The following SLC4A5 variants were observed in gnomAD, a reference collection of about 807,000 sequenced individuals.
SLC4A5 encodes solute carrier family 4 member 5.
A neutral mutation model predicts 120.4 loss-of-function variants in SLC4A5; 96 were observed. The observed-to-expected ratio is 0.80, with a 90% confidence interval of 0.68 to 0.94. The LOEUF (loss-of-function observed/expected upper bound fraction) is 0.94. Ranked by LOEUF, SLC4A5 falls within the 40% of genes least tolerant of loss-of-function variation. The pLI is 0.00. For missense variants in SLC4A5, 1,259 were observed against 1,459.5 expected (o/e 0.86, Z 2.24); for synonymous variants, 550 against 571.1 (o/e 0.96, Z 0.53).
chr2:74,259,242 T>A (rs1000857096), intron 12 of SLC4A5, among the ~76,000 whole-genome samples: 3 of 152,156 alleles, frequency 2.0e-5, no homozygotes, highest in Non-Finnish European at 4.4e-5. Flanking sequence ...CCCTATCCCA[T>A]CTTTAAAGGT....
chr2:74,340,513 G>C (rs1380841668), intron 2 of SLC4A5, among the ~76,000 whole-genome samples: 1 of 152,138 alleles, frequency 6.6e-6, no homozygotes, highest in East Asian at 1.9e-4. Context: ...AGAGATGATG[G>C]GTGGGGGCAG....
chr2:74,286,967 C>T (rs1038985781), intron 7 of SLC4A5, among the ~76,000 whole-genome samples: 2 of 152,140 alleles, frequency 1.3e-5, no homozygotes, highest in Non-Finnish European at 2.9e-5. Flanking sequence ...TCCCTGCCCA[C>T]CCCACTGCAC....
At chr2:74,230,008 G>A (rs1218877347) in intron 25 of SLC4A5, among the ~76,000 whole-genome samples, 4 of 151,080 alleles carry the variant, frequency 2.6e-5, no homozygotes, top group Admixed American at 2.0e-4. Context: ...ATGTACCATC[G>A]TGCCTGGCTA....
At position 74,249,541 on chromosome 2, in the gene SLC4A5, T is replaced by C. The variant is rs559089716; in HGVS notation, c.1653+802A>G. Reference sequence around the variant, plus strand: ...TGGGAGATGAGGCGTGAGAGCCAGGTAGGGCCATGTGGTGAGGGCCACATG... The same window carrying C: ...TGGGAGATGAGGCGTGAGAGCCAGGCAGGGCCATGTGGTGAGGGCCACATG... On this transcript the variant is annotated intron_variant, in intron 17 of 30. Transcript: ENST00000394019. 8.5e-5 allele frequency among the ~76,000 whole-genome samples: 13 copies of C among 152,206 alleles called. No homozygotes were observed. In the East Asian group the frequency reaches 2.5e-3, roughly 29 times the overall value.
intron 6 of SLC4A5, chr2:74,307,772 C>T (rs1050958825): frequency 8.5e-6 from 5 of 590,104 alleles, no homozygotes; most frequent in Admixed American, 4.0e-5. Flanking sequence ...ATCTCTTTCT[C>T]GTTCTGGATG....
intron 25 of SLC4A5, among the ~76,000 whole-genome samples, chr2:74,228,572 G>A (rs1694929515): frequency 6.6e-6 from 1 of 152,144 alleles, no homozygotes; most frequent in Admixed American, 6.5e-5. Context: ...GGAGGTTGCG[G>A]TGAGCTGAGA....
chr2:74,325,405 C>T (rs1673195427), intron 5 of SLC4A5, among the ~76,000 whole-genome samples: 1 of 152,164 alleles, frequency 6.6e-6, no homozygotes, highest in Non-Finnish European at 1.5e-5. Context: ...TGCTAGATCC[C>T]AACTTCTCAC....
intron 5 of SLC4A5, among the ~76,000 whole-genome samples, chr2:74,316,462 T>C (rs184710387): frequency 2.0e-5 from 3 of 151,348 alleles, no homozygotes; most frequent in East Asian, 1.9e-4. Flanking sequence ...CAAGACAGGA[T>C]AGGAGGTCAG....
At chr2:74,265,127 C>A (rs1671262205) in exon 9 of SLC4A5, 1 of 1,614,080 alleles carries the variant, frequency 6.2e-7, no homozygotes, top group Non-Finnish European at 8.5e-7. Flanking sequence ...TAAGGAGCCA[C>A]TGTCCAAATC....
intron 4 of SLC4A5, among the ~76,000 whole-genome samples, chr2:74,330,177 G>T (rs1385636273): frequency 6.6e-6 from 1 of 151,312 alleles, no homozygotes; most frequent in African/African-American, 2.4e-5. Context: ...GCGAGGTCTA[G>T]ATGGAGGTGT....
chr2:74,220,890 G>A (rs898765049), intron 30 of SLC4A5, among the ~76,000 whole-genome samples: 1 of 145,002 alleles, frequency 6.9e-6, no homozygotes, highest in Non-Finnish European at 1.5e-5. Flanking sequence ...GCCCAGGCTG[G>A]AGTGCAGTGG....
chr2:74,306,742 T>C (rs947523037), intron 6 of SLC4A5: 104 of 1,198,412 alleles, frequency 8.7e-5, no homozygotes, highest in Non-Finnish European at 1.2e-4. Context: ...CTCAGAACTT[T>C]GGTGTCATTA....
chr2:74,220,603 G>A (rs565122364), intron 30 of SLC4A5, among the ~76,000 whole-genome samples: 4 of 151,034 alleles, frequency 2.6e-5, no homozygotes, highest in Admixed American at 1.3e-4. Flanking sequence ...TGCAAGCTCC[G>A]CCTCCCAGGT....
intron 24 of SLC4A5, among the ~76,000 whole-genome samples, chr2:74,231,719 CTTTGAT>C (rs553079672): frequency 1.9e-4 from 29 of 152,276 alleles, no homozygotes; most frequent in African/African-American, 6.0e-4. Context: ...TTACTCTGCC[CTTTGAT>C]TTTAAGATTT....
intron 30 of SLC4A5, among the ~76,000 whole-genome samples, chr2:74,220,841 C>CT (rs60945273): frequency 0.027 from 3,200 of 117,438 alleles, 78 homozygotes; most frequent in African/African-American, 0.052. Context: ...TATTTCCTTT[C>CT]TTTTTTTTTT....
At chr2:74,234,703 C>A (rs1490269483) in intron 22 of SLC4A5, among the ~76,000 whole-genome samples, 2 of 152,184 alleles carry the variant, frequency 1.3e-5, no homozygotes, top group Non-Finnish European at 2.9e-5. Context: ...GACTGTGATG[C>A]CATGATATTG....
intron 5 of SLC4A5, among the ~76,000 whole-genome samples, chr2:74,324,162 G>A (rs1218950638): frequency 1.3e-5 from 2 of 152,200 alleles, no homozygotes; most frequent in African/African-American, 4.8e-5. Flanking sequence ...TGTTCAAAGT[G>A]AATCATGTTT....
At chr2:74,251,977 C>T (rs1383712093) in intron 16 of SLC4A5, among the ~76,000 whole-genome samples, 1 of 152,180 alleles carries the variant, frequency 6.6e-6, no homozygotes, top group African/African-American at 2.4e-5. Flanking sequence ...TTCCTCTCCT[C>T]TTGTATGGGT....
chr2:74,292,987 C>G (rs1672219489), intron 7 of SLC4A5, among the ~76,000 whole-genome samples: 2 of 151,690 alleles, frequency 1.3e-5, no homozygotes, highest in Admixed American at 1.3e-4. Context: ...GATTTGACTG[C>G]CTGACACTCG....
Sources: gnomAD v4.1 joint callset for allele counts (sites outside exome capture counted in the v4.1 genomes callset) on GRCh38, gnomAD v4.1.1 for gene constraint, MANE v1.5 for transcripts, NCBI Gene and HGNC (gene_info 2026-07-23, HGNC 2026-07-21) for gene names.